The following NPR3 variants were observed in gnomAD, a reference collection of about 807,000 sequenced individuals.
NPR3 encodes atrial natriuretic peptide receptor 3.
Under a neutral mutation model 54.5 loss-of-function variants are expected in NPR3, and 34 were observed. That is an observed-to-expected ratio of 0.62 (90% CI 0.47 to 0.83). The LOEUF is 0.83. Ranked by LOEUF, NPR3 falls within the 40% of genes least tolerant of loss-of-function variation. NPR3 has a pLI of 0.00. For missense variants in NPR3, 674 were observed against 720.8 expected (o/e 0.94, Z 0.74); for synonymous variants, 289 against 297.1 (o/e 0.97, Z 0.28).
At chr5:32,704,370 T>TTGTGTGTGTGTGTGTGTGTG (rs57959913) in intron 1 of NPR3, among the ~76,000 whole-genome samples, 9 of 146,786 alleles carry the variant, frequency 6.1e-5, no homozygotes, top group African/African-American at 2.3e-4. Context: ...TTTTGGCTCT[T>TTGTGTGTGTGTGTGTGTGTG]TGTGTGTGTG....
In NPR3 at chr5:32,786,695, TTAAATG is replaced by T. The variant is rs1325401915; in HGVS notation, c.*351_*356del. 21 of 202,426 alleles carry T rather than the reference TTAAATG, an allele frequency of 1.0e-4. No homozygotes were observed. In the South Asian group the frequency reaches 2.1e-3, roughly 21 times the overall value. 12.5% of individuals were successfully genotyped at this position (202,426 alleles called of 1,614,324 possible). A position where few individuals can be genotyped will look rare whatever the true frequency, so the allele number is the denominator to read the frequency against. On this transcript the variant is annotated 3_prime_UTR_variant, in exon 8 of 8. Coordinates refer to ENST00000265074, the MANE Select transcript of NPR3 (RefSeq NM_001204375.2). ...CACAAGGATATAAAATGCGGTTTTC[TTAAATG>T]AAATGTTTTGTAGCTAGAATAAAAT... is the stretch of plus-strand genomic sequence containing the variant.
intron 3 of NPR3, among the ~76,000 whole-genome samples, chr5:32,742,527 T>C (rs1740088445): frequency 6.6e-6 from 1 of 152,134 alleles, no homozygotes; most frequent in Admixed American, 6.5e-5. Flanking sequence ...TGAATTTTAG[T>C]ATTAAATATA....
At chr5:32,742,485 T>A (rs975014268) in intron 3 of NPR3, among the ~76,000 whole-genome samples, 20 of 152,232 alleles carry the variant, frequency 1.3e-4, no homozygotes, top group South Asian at 2.1e-4. Context: ...GGTAATTTTT[T>A]AAAAATATAA....
Position 32,711,389 on chromosome 5 carries a change from C to CT in NPR3, c.-379dup, listed in dbSNP as rs199815172. On this transcript the variant is annotated 5_prime_UTR_variant, in exon 1 of 8. An upstream open reading frame in the 5' UTR loses its in-frame stop. Transcript: ENST00000265074. ...ATTACAAACACTTGGACAAGTCTAA[C>CT]TTTTTTTTTCTTCTACAAAAACGCT... 0.012 allele frequency: 12,307 copies of CT among 1,000,540 alleles called. 80 individuals are homozygous for CT. Among genetic ancestry groups the CT allele is most frequent in the South Asian group, 0.025 (537 of 21,392 alleles). The allele number at this position is 1,000,540 out of a possible 1,614,324, so 62.0% of individuals were successfully genotyped here.
At chr5:32,724,579 GA>G in intron 1 of NPR3, 118 bp from the exon 2 acceptor site, 1 of 1,144,836 alleles carries the variant, frequency 8.7e-7, no homozygotes, top group African/African-American at 1.5e-5. Flanking sequence ...TGATTGTGAG[GA>G]GATACTTCAG....
rs1742299927 is a variant in NPR3 at position 32,780,819 on chromosome 5, G to A, written c.1290+3G>A. On this transcript the variant is annotated splice_donor_region_variant and intron_variant, in intron 5 of 7. Coordinates refer to ENST00000265074, the MANE Select transcript of NPR3 (RefSeq NM_001204375.2). ...ATGTGGAGGCGGGCACCCAGGAGGTGAGCACGTGAGACCTCTGCACCAGTT... is the reference window on the plus strand; with the variant it reads ...ATGTGGAGGCGGGCACCCAGGAGGTAAGCACGTGAGACCTCTGCACCAGTT... The A allele has an allele frequency of 1.5e-6, 2 of 1,357,066 alleles. No homozygotes were observed. Among genetic ancestry groups the A allele is most frequent in the Middle Eastern group, 1.8e-4 (1 of 5,570 alleles). 84.1% of individuals were successfully genotyped at this position (1,357,066 alleles called of 1,614,324 possible).
At position 32,711,863 on chromosome 5, in the gene NPR3, T is replaced by TGGC. The variant is rs1224426978; in HGVS notation, c.99_101dup (p.Gly35dup). 11 of 1,463,164 alleles carry TGGC rather than the reference T, an allele frequency of 7.5e-6. No individual in the cohort carries two copies. The East Asian group carries it at 2.3e-4, about 30-fold the overall frequency. The allele number at this position is 1,463,164 out of a possible 1,614,324, so 90.6% of individuals were successfully genotyped here. A position where few individuals can be genotyped will look rare whatever the true frequency, so the allele number is the denominator to read the frequency against. ...CCGGCGGCACCGGTGGCGGTGGCGT[T>TGGC]GGCGGCGGCGGCGGTGGCGCGGGCA... On this transcript the variant is annotated inframe_insertion, in exon 1 of 8. Transcript: ENST00000265074.
rs566390426 is a variant in NPR3 at position 32,722,615 on chromosome 5, C to G, written c.770-2083C>G. ...CTTGATCGAAAAATGATGAGGGCTG[C>G]TTGGTGGCCAGTCAGCCAGAACTTC... is the stretch of plus-strand genomic sequence containing the variant. On this transcript the variant is annotated intron_variant, in intron 1 of 7. Transcript: ENST00000265074. 2.0e-5 allele frequency among the ~76,000 whole-genome samples: 3 copies of G among 152,270 alleles called. No homozygotes were observed. In the South Asian group the frequency reaches 6.2e-4, roughly 32 times the overall value.
intron 5 of NPR3, among the ~76,000 whole-genome samples, chr5:32,782,109 T>A (rs186152254): frequency 7.6e-4 from 116 of 152,232 alleles, no homozygotes; most frequent in African/African-American, 2.7e-3. Flanking sequence ...AGAATAATGA[T>A]TTTCCAGGGG....
chr5:32,753,506 C>G (rs948307154), intron 3 of NPR3, among the ~76,000 whole-genome samples: 6 of 151,654 alleles, frequency 4.0e-5, no homozygotes, highest in African/African-American at 1.5e-4. Flanking sequence ...TTATACCCAT[C>G]AGTGTAACTG....
intron 2 of NPR3, among the ~76,000 whole-genome samples, chr5:32,734,476 C>T (rs1014163391): frequency 6.6e-6 from 1 of 152,210 alleles, no homozygotes; most frequent in Non-Finnish European, 1.5e-5. Context: ...GGGCACAGGG[C>T]TTGGTGCTGA....
chr5:32,695,036 C>A (rs1011503911), intron 1 of NPR3, among the ~76,000 whole-genome samples: 1 of 152,168 alleles, frequency 6.6e-6, no homozygotes, highest in African/African-American at 2.4e-5. Context: ...ATGACAGGAT[C>A]TCATTCTTTA....
At chr5:32,766,181 C>T (rs1741463182) in intron 3 of NPR3, among the ~76,000 whole-genome samples, 1 of 152,162 alleles carries the variant, frequency 6.6e-6, no homozygotes, top group Non-Finnish European at 1.5e-5. Context: ...GGAGGAGTAA[C>T]CTGAGAATAT....
rs536121664 is a variant in NPR3 at position 32,790,535 on chromosome 5, G to A, written c.*4190G>A. On this transcript the variant is annotated 3_prime_UTR_variant, in exon 8 of 8. Transcript: ENST00000265074. Reference sequence around the variant, plus strand: ...TGCTAACCTGACCACACTTGCTCTCGGGGAAGTTCAAGCCTGTGATGTGCA... The same window carrying A: ...TGCTAACCTGACCACACTTGCTCTCAGGGAAGTTCAAGCCTGTGATGTGCA... 4.8e-5 allele frequency: 8 copies of A among 166,512 alleles called. No homozygotes were observed. The highest frequency in any genetic ancestry group is 1.7e-4 in the African/African-American group (7 of 41,544). The allele number at this position is 166,512 out of a possible 1,614,324, so 10.3% of individuals were successfully genotyped here.
chr5:32,698,970 C>G lies in NPR3; in HGVS notation c.100+9784C>G, dbSNP rs981267377. On this transcript the variant is annotated intron_variant, in intron 1 of 5. Transcript: ENST00000509104. ...TTGGAAAGTTTAGTCCATTTACATT[C>G]AATGTTATTATTGATAAGTAAGGAC... Among the ~76,000 whole-genome samples the G allele has an allele frequency of 2.6e-5, 4 of 152,214 alleles. No homozygotes were observed. In the East Asian group the frequency reaches 7.7e-4, roughly 29 times the overall value.
intron 3 of NPR3, among the ~76,000 whole-genome samples, chr5:32,755,763 T>C (rs890155692): frequency 2.0e-5 from 3 of 152,228 alleles, no homozygotes; most frequent in Admixed American, 2.0e-4. Context: ...CTCCAAGTTC[T>C]ATACCTACAT....
intron 2 of NPR3, among the ~76,000 whole-genome samples, chr5:32,738,433 C>G (rs10062135): frequency 1.3e-5 from 2 of 152,084 alleles, no homozygotes; most frequent in Admixed American, 1.3e-4. Context: ...TGTGACCTGC[C>G]GTCCCACACA....
chr5:32,783,236 G>A, intron 6 of NPR3: 2 of 454,630 alleles, frequency 4.4e-6, no homozygotes, highest in Non-Finnish European at 7.7e-6. Context: ...ATGGTAGAAT[G>A]TTTCTTCCTA....
chr5:32,699,553 A>G (rs1335982694), intron 1 of NPR3, among the ~76,000 whole-genome samples: 1 of 152,168 alleles, frequency 6.6e-6, no homozygotes, highest in Non-Finnish European at 1.5e-5. Context: ...ATGATTGAGA[A>G]CATGCAGTGT....
Sources: allele counts gnomAD v4.1 joint callset (sites outside exome capture counted in the v4.1 genomes callset), GRCh38; gene constraint gnomAD v4.1.1; transcripts MANE v1.5; gene names NCBI Gene and HGNC (gene_info 2026-07-23, HGNC 2026-07-21).